The following RSF1 variants were observed in gnomAD, a reference collection of about 807,000 sequenced individuals.
RSF1 encodes the protein HBV pX-associated protein 8.
A neutral mutation model predicts 145.2 loss-of-function variants in RSF1; 13 were observed. The ratio of observed to expected loss-of-function variants is 0.09; its 90% confidence interval spans 0.06 to 0.14. The LOEUF is 0.14. RSF1 is among the 10% of genes least tolerant of loss of function. The pLI, the probability that RSF1 is intolerant of heterozygous loss-of-function variation, is 1.00. For missense variants in RSF1, 1,517 were observed against 1,718.2 expected (o/e 0.88, Z 2.07); for synonymous variants, 577 against 592.6 (o/e 0.97, Z 0.38).
chr11:77,807,852 C>CT (rs1948692293), intron 1 of RSF1, among the ~76,000 whole-genome samples: 1 of 152,106 alleles, frequency 6.6e-6, no homozygotes, highest in South Asian at 2.1e-4. Context: ...AAACACTGAA[C>CT]TACAAGGAAA....
chr11:77,671,962 A>G (rs1321624896), intron 15 of RSF1, 80 bp downstream of exon 15: 2 of 1,290,410 alleles, frequency 1.5e-6, no homozygotes, highest in Non-Finnish European at 2.1e-6. Context: ...AGAATGGTAC[A>G]GAATCACAAT....
intron 7 of RSF1, among the ~76,000 whole-genome samples, chr11:77,698,055 C>T (rs1296155691): frequency 6.6e-6 from 1 of 152,200 alleles, no homozygotes; most frequent in Non-Finnish European, 1.5e-5. Context: ...TGCTATGCTG[C>T]CCAGGCTGCA....
chr11:77,854,269 G>A, the RSF1 span, among the ~76,000 whole-genome samples: 1 of 152,116 alleles, frequency 6.6e-6, no homozygotes, highest in Admixed American at 6.5e-5. Flanking sequence ...TGGGATTACA[G>A]GCGTGAGCCA....
At position 77,664,540 on chromosome 11, in the gene RSF1, T is replaced by G. The variant is rs1959314822; in HGVS notation, c.*2377A>C. On this transcript the variant is annotated 3_prime_UTR_variant, in exon 16 of 16. Coordinates refer to ENST00000308488, the MANE Select transcript of RSF1 (RefSeq NM_016578.4). The stretch of plus-strand genomic sequence containing the variant: ...CCATTTAATACTACTTCTGATCACT[T>G]GGCTTAACTGAGGAATAGAATAGGT... 6.6e-6 allele frequency: 1 copy of G among 152,206 alleles called. No homozygotes were observed. Among genetic ancestry groups the G allele is most frequent in the South Asian group, 2.1e-4 (1 of 4,836 alleles). 9.4% of individuals were successfully genotyped at this position (152,206 alleles called of 1,614,324 possible).
At chr11:77,694,476 G>A (rs1308583077) in intron 7 of RSF1, among the ~76,000 whole-genome samples, 2 of 152,274 alleles carry the variant, frequency 1.3e-5, no homozygotes, top group East Asian at 3.9e-4. Context: ...CGGTATTTGA[G>A]TTTAAGAGGA....
chr11:77,864,496 T>TA, the RSF1 span, among the ~76,000 whole-genome samples: 1 of 152,262 alleles, frequency 6.6e-6, no homozygotes, highest in East Asian at 1.9e-4. Flanking sequence ...AGAACCAGAT[T>TA]AATTAGTTGC....
At chr11:77,762,600 G>A (rs1948187091) in intron 2 of RSF1, 2 of 152,144 alleles carry the variant, frequency 1.3e-5, no homozygotes, top group African/African-American at 4.8e-5. Flanking sequence ...ATAGGTCTTA[G>A]TTCAGCTGTC....
At chr11:77,816,498 T>A (rs937434030) in intron 1 of RSF1, among the ~76,000 whole-genome samples, 2 of 152,164 alleles carry the variant, frequency 1.3e-5, no homozygotes, top group African/African-American at 4.8e-5. Flanking sequence ...AACAAAAAAC[T>A]AATGGCTCAA....
chr11:77,866,090 A>G, the RSF1 span, among the ~76,000 whole-genome samples: 2 of 152,206 alleles, frequency 1.3e-5, no homozygotes, highest in Admixed American at 6.5e-5. Flanking sequence ...GCTACTACCC[A>G]TTTATGCTCA....
At chr11:77,830,615 C>A in the RSF1 span, among the ~76,000 whole-genome samples, 3 of 151,978 alleles carry the variant, frequency 2.0e-5, no homozygotes, top group African/African-American at 7.2e-5. Context: ...TGTCTCTTGT[C>A]TTTTATTCCC....
chr11:77,851,738 C>CATGGGTAAAAGCTCCCT, the RSF1 span, among the ~76,000 whole-genome samples: 1 of 152,064 alleles, frequency 6.6e-6, no homozygotes, highest in African/African-American at 2.4e-5. Context: ...CACGTTCTGC[C>CATGGGTAAAAGCTCCCT]ATGGGTAAAA....
chr11:77,816,218 C>T (rs550876952), intron 1 of RSF1, among the ~76,000 whole-genome samples: 7 of 152,326 alleles, frequency 4.6e-5, no homozygotes, highest in African/African-American at 1.4e-4. Context: ...TATGCCCTAC[C>T]AGTGTCTACC....
chr11:77,854,210 G>T, the RSF1 span, among the ~76,000 whole-genome samples: 1 of 151,770 alleles, frequency 6.6e-6, no homozygotes, highest in Non-Finnish European at 1.5e-5. Flanking sequence ...GCCAGGATTG[G>T]CTCGATCTCC....
chr11:77,701,665 T>A lies in RSF1; in HGVS notation c.1564A>T (p.Ile522Phe). Residue 522 changes from isoleucine to phenylalanine, a missense_variant, in exon 6 of 16, where the codon ATC becomes TTC. By Grantham distance (21) the Ile-to-Phe change is conservative. This residue lies in a region of RSF1 where 579 missense variants were observed against 553.5 expected (regional missense o/e 1.05). Coordinates refer to ENST00000308488, the MANE Select transcript of RSF1 (RefSeq NM_016578.4). ...DADSSISVLE[I>F]HSQKAQIEEP... ...TCTATTTGTGCTTTTTGACTATGGATCTCTAAGACTGATATTGAACTATCT... is the reference window on the plus strand; with the variant it reads ...TCTATTTGTGCTTTTTGACTATGGAACTCTAAGACTGATATTGAACTATCT... 1 of 1,614,066 alleles carries A rather than the reference T, an allele frequency of 6.2e-7. No homozygotes were observed. Among genetic ancestry groups the A allele is most frequent in the Non-Finnish European group, 8.5e-7 (1 of 1,179,988 alleles).
intron 4 of RSF1, among the ~76,000 whole-genome samples, chr11:77,728,572 G>GGAAAGGGAAGGGAAGGA (rs1961115928): frequency 1.3e-5 from 2 of 150,468 alleles, no homozygotes; most frequent in Non-Finnish European, 3.0e-5. Context: ...AAAAGGAAGA[G>GGAAAGGGAAGGGAAGGA]GAAAGGGAAG....
intron 5 of RSF1, among the ~76,000 whole-genome samples, chr11:77,709,247 T>G (rs1960623071): frequency 6.6e-6 from 1 of 152,202 alleles, no homozygotes; most frequent in South Asian, 2.1e-4. Flanking sequence ...CCCACTCTCT[T>G]CCCCAAATTA....
intron 9 of RSF1, among the ~76,000 whole-genome samples, chr11:77,690,069 A>G (rs1960110705): frequency 6.6e-6 from 1 of 151,816 alleles, no homozygotes; most frequent in South Asian, 2.1e-4. Context: ...GGCTGAGGCA[A>G]AAAAATCACT....
At chr11:77,688,184 C>T (rs941698911) in intron 9 of RSF1, among the ~76,000 whole-genome samples, 9 of 152,104 alleles carry the variant, frequency 5.9e-5, no homozygotes, top group African/African-American at 1.4e-4. Context: ...CCCAGCTACT[C>T]GAGAGGCTGA....
chr11:77,839,991 A>G, the RSF1 span, among the ~76,000 whole-genome samples: 4 of 152,174 alleles, frequency 2.6e-5, no homozygotes, highest in Non-Finnish European at 5.9e-5. Context: ...TGTTACATGC[A>G]TATAACAATT....
Sources: allele counts gnomAD v4.1 joint callset (sites outside exome capture counted in the v4.1 genomes callset), GRCh38; gene constraint gnomAD v4.1.1; regional missense constraint gnomAD v4.1.1; transcripts MANE v1.5; gene names NCBI Gene and HGNC (gene_info 2026-07-23, HGNC 2026-07-21).